Variants in TSPAN5 observed in about 807,000 individuals in gnomAD.
TSPAN5 encodes tetraspanin 5.
TSPAN5 carries 10 observed loss-of-function variants against 37.1 expected under a neutral mutation model. That is an observed-to-expected ratio of 0.27 (90% confidence interval 0.17 to 0.46). TSPAN5 has a LOEUF of 0.46. TSPAN5 is among the 20% of genes least tolerant of loss of function. TSPAN5 has a pLI of 1.00. For synonymous variants in TSPAN5, 110 were observed against 118.9 expected, an observed-to-expected ratio of 0.93 and a Z score of 0.48; for missense variants, 195 against 326.6, an observed-to-expected ratio of 0.60 and a Z score of 3.11.
At chr4:98,525,772 T>A (rs1753947530) in intron 1 of TSPAN5, among the ~76,000 whole-genome samples, 1 of 152,208 alleles carries the variant, frequency 6.6e-6, no homozygotes, top group African/African-American at 2.4e-5. Flanking sequence ...AAATATGTCC[T>A]AGCAACTTCA....
intron 1 of TSPAN5, among the ~76,000 whole-genome samples, chr4:98,650,764 C>T (rs556664069): frequency 6.6e-6 from 1 of 152,272 alleles, no homozygotes; most frequent in South Asian, 2.1e-4. Context: ...ATGTCTGATA[C>T]AAAAGATGAC....
intron 1 of TSPAN5, among the ~76,000 whole-genome samples, chr4:98,569,416 G>A (rs1323558650): frequency 2.0e-5 from 3 of 152,138 alleles, no homozygotes; most frequent in African/African-American, 4.8e-5. Flanking sequence ...GGAACACACC[G>A]CCCTGCAGAA....
chr4:98,589,899 G>A (rs190250121), intron 1 of TSPAN5, among the ~76,000 whole-genome samples: 19 of 152,228 alleles, frequency 1.2e-4, no homozygotes, highest in Admixed American at 9.8e-4. Flanking sequence ...TCTCTTTAAA[G>A]AATCTGCTGA....
chr4:98,520,555 G>A (rs1463871120), intron 1 of TSPAN5, among the ~76,000 whole-genome samples: 2 of 152,200 alleles, frequency 1.3e-5, no homozygotes, highest in East Asian at 3.9e-4. Flanking sequence ...CATCAGACGG[G>A]GAGTCAGGAG....
intron 1 of TSPAN5, among the ~76,000 whole-genome samples, chr4:98,655,176 T>C (rs1384127282): frequency 6.6e-6 from 1 of 152,112 alleles, no homozygotes; most frequent in Non-Finnish European, 1.5e-5. Context: ...TTTTTGTTTT[T>C]TGTTTGTTTG....
chr4:98,479,239 A>T (rs1752781876), intron 4 of TSPAN5, among the ~76,000 whole-genome samples: 1 of 152,228 alleles, frequency 6.6e-6, no homozygotes, highest in African/African-American at 2.4e-5. Context: ...TTACTTTTTC[A>T]AAGTTTTGAT....
At chr4:98,484,092 C>T (rs980084329) in intron 3 of TSPAN5, 1 of 182,386 alleles carries the variant, frequency 5.5e-6, no homozygotes, top group Non-Finnish European at 1.2e-5. Flanking sequence ...TTTTCCAGTT[C>T]CCCTGGTAAA....
At chr4:98,548,028 G>A (rs9884383) in intron 1 of TSPAN5, among the ~76,000 whole-genome samples, 2,222 of 134,800 alleles carry the variant, frequency 0.016, 75 homozygotes, top group African/African-American at 0.043. Context: ...AAAAAAAAAA[G>A]AAAAAGAAAA....
intron 3 of TSPAN5, 146 bp from the exon 4 acceptor site, chr4:98,482,321 C>A (rs1023191979): frequency 7.5e-6 from 5 of 664,778 alleles, no homozygotes; most frequent in African/African-American, 1.8e-5. Context: ...TCTGCTGATT[C>A]ATTAATAGAA....
chr4:98,495,751 T>G, intron 2 of TSPAN5, among the ~76,000 whole-genome samples: 1 of 151,886 alleles, frequency 6.6e-6, no homozygotes, highest in East Asian at 1.9e-4. Flanking sequence ...ACCAATAAAC[T>G]TCAGGAGTGT....
At chr4:98,588,733 T>C (rs1308660324) in intron 1 of TSPAN5, among the ~76,000 whole-genome samples, 1 of 152,212 alleles carries the variant, frequency 6.6e-6, no homozygotes, top group African/African-American at 2.4e-5. Flanking sequence ...TAAAAGAACT[T>C]CACCAAAGAG....
chr4:98,629,186 T>C (rs761875859), intron 1 of TSPAN5, among the ~76,000 whole-genome samples: 49 of 152,360 alleles, frequency 3.2e-4, no homozygotes, highest in Middle Eastern at 3.4e-3. Context: ...ATAATTTGTC[T>C]ATGAACTATT....
chr4:98,598,242 C>G (rs1755796681), intron 1 of TSPAN5, among the ~76,000 whole-genome samples: 1 of 142,642 alleles, frequency 7.0e-6, no homozygotes, highest in Non-Finnish European at 1.5e-5. Flanking sequence ...GGAAAGGGAA[C>G]TCCCTGACCC....
intron 1 of TSPAN5, among the ~76,000 whole-genome samples, chr4:98,630,060 T>C (rs985671519): frequency 3.3e-5 from 5 of 152,150 alleles, no homozygotes; most frequent in African/African-American, 1.2e-4. Flanking sequence ...GCATTTGGTG[T>C]GGTCAGAGAT....
At chr4:98,599,678 T>C (rs1448024220) in intron 1 of TSPAN5, among the ~76,000 whole-genome samples, 1 of 152,216 alleles carries the variant, frequency 6.6e-6, no homozygotes, top group Non-Finnish European at 1.5e-5. Flanking sequence ...GAATGAACAT[T>C]GTATGTGGTC....
rs760447547 is a variant in TSPAN5 at position 98,584,991 on chromosome 4, G to A, written c.81+73155C>T. ...TAAGCTGGCTGGTGGCTGGCTTAAA[G>A]AGAATAGCATTCTTCTCACAATTTC... On this transcript the variant is annotated intron_variant, in intron 1 of 7. Transcript: ENST00000305798. Among the ~76,000 whole-genome samples, 33 of 152,304 alleles carry A rather than the reference G, an allele frequency of 2.2e-4. 1 individual carries two copies. The highest frequency in any genetic ancestry group is 4.4e-4 in the Non-Finnish European group (30 of 68,018).
At chr4:98,638,865 A>G (rs896261164) in intron 1 of TSPAN5, among the ~76,000 whole-genome samples, 7 of 152,220 alleles carry the variant, frequency 4.6e-5, no homozygotes, top group East Asian at 1.9e-4. Context: ...CATCAGTCCA[A>G]TGGAAATAGC....
chr4:98,489,566 C>G (rs1459706241), intron 2 of TSPAN5, among the ~76,000 whole-genome samples: 1 of 152,166 alleles, frequency 6.6e-6, no homozygotes, highest in Admixed American at 6.5e-5. Context: ...TCGAACTGAG[C>G]TTTCACTCGC....
intron 1 of TSPAN5, among the ~76,000 whole-genome samples, chr4:98,612,788 A>G (rs1383127203): frequency 6.6e-6 from 1 of 151,588 alleles, no homozygotes; most frequent in Admixed American, 6.6e-5. Flanking sequence ...GGCCTCCCTT[A>G]CTCTGTCCCC....
Sources: allele counts gnomAD v4.1 joint callset (sites outside exome capture counted in the v4.1 genomes callset), GRCh38; gene constraint gnomAD v4.1.1; transcripts MANE v1.5; gene names NCBI Gene and HGNC (gene_info 2026-07-23, HGNC 2026-07-21).